ARHGAP10: variants seen among roughly 807,000 people sequenced by gnomAD.
ARHGAP10 encodes the protein Rho GTPase activating protein 10.
In ARHGAP10, 87 loss-of-function variants were observed where a neutral mutation model predicts 108.6. The observed-to-expected ratio is 0.80, with a 90% CI of 0.67 to 0.96. The LOEUF is 0.96. Among genes scored for constraint, ARHGAP10 ranks in the 40% least tolerant of loss-of-function variants. The probability of loss-of-function intolerance (pLI) is 0.00; values close to 1 mark genes in which losing one functional copy is unlikely to be tolerated. For synonymous variants in ARHGAP10, 347 were observed against 341.1 expected (o/e 1.02, Z -0.19); for missense variants, 939 against 954.5 (o/e 0.98, Z 0.21).
At position 148,023,316 on chromosome 4, in the gene ARHGAP10, A is replaced by G. The variant is rs35975487; in HGVS notation, c.1770A>G (p.Ala590=). The change falls in exon 19 of 23, where the codon GCA becomes GCG. Residue 590 remains alanine (A), a synonymous_variant. Coordinates refer to ENST00000336498, the MANE Select transcript of ARHGAP10 (RefSeq NM_024605.4). ...TTFPEPTCLS[A]SPPNAPPRQS... ...TCCCTGAGCCCACCTGCCTGTCAGC[A>G]TCACCCCCAAATGCGCCACCAAGGC... 0.065 allele frequency: 105,349 copies of G among 1,613,826 alleles called. 5,836 individuals are homozygous for G. Among genetic ancestry groups the G allele is most frequent in the South Asian group, 0.25 (22,538 of 90,906 alleles).
At chr4:147,979,476 G>A (rs141208306) in intron 18 of ARHGAP10, among the ~76,000 whole-genome samples, 303 of 151,170 alleles carry the variant, frequency 2.0e-3, no homozygotes, top group African/African-American at 7.0e-3. Flanking sequence ...GTTTGAAGCC[G>A]GCTTTGTTCC....
In ARHGAP10 at chr4:148,072,493, G is replaced by A. The variant is rs529700009; in HGVS notation, c.*412G>A. On this transcript the variant is annotated 3_prime_UTR_variant, in exon 23 of 23. Coordinates refer to ENST00000336498, the MANE Select transcript of ARHGAP10 (RefSeq NM_024605.4). ...GATTTTAAAGGGAACTGTACTACTC[G>A]CAGTGATAGGTTTGCAGAGTGTGTG... 59 of 167,878 alleles carry A rather than the reference G, an allele frequency of 3.5e-4. 1 individual carries two copies. Among genetic ancestry groups the A allele is most frequent in the Non-Finnish European group, 6.6e-4 (52 of 78,938 alleles). The allele number at this position is 167,878 out of a possible 1,614,324, so 10.4% of individuals were successfully genotyped here.
chr4:147,785,597 C>G (rs1334350952), intron 1 of ARHGAP10, among the ~76,000 whole-genome samples: 1 of 152,100 alleles, frequency 6.6e-6, no homozygotes, highest in East Asian at 1.9e-4. Flanking sequence ...AGAAGTCATC[C>G]AGACAACCTT....
intron 10 of ARHGAP10, among the ~76,000 whole-genome samples, chr4:147,883,422 C>T (rs1735416203): frequency 6.6e-6 from 1 of 152,218 alleles, no homozygotes; most frequent in African/African-American, 2.4e-5. Flanking sequence ...CAGTGTAACA[C>T]AAGTCGAGCA....
At chr4:147,742,839 CCT>C (rs2126681341) in intron 1 of ARHGAP10, among the ~76,000 whole-genome samples, 1 of 151,536 alleles carries the variant, frequency 6.6e-6, no homozygotes, top group African/African-American at 2.4e-5. Context: ...TGAATATAGG[CCT>C]CTCATTTATA....
chr4:147,965,224 C>G, intron 17 of ARHGAP10, 95 bp downstream of exon 17: 1 of 794,788 alleles, frequency 1.3e-6, no homozygotes, highest in Non-Finnish European at 1.9e-6. Flanking sequence ...GGGGACCACA[C>G]CTGGAAGGGC....
rs368356732 is a variant in ARHGAP10 at position 148,043,337 on chromosome 4, G to C, written c.1868-3555G>C. On this transcript the variant is annotated intron_variant, in intron 19 of 22. Coordinates refer to ENST00000336498, the MANE Select transcript of ARHGAP10 (RefSeq NM_024605.4). ...CTCACTGGAACAACCTTTTTACCCA[G>C]AGGTGATTTGTCTGTTTGTAGATGC... Among the ~76,000 whole-genome samples, 4 of 152,074 alleles carry C rather than the reference G, an allele frequency of 2.6e-5. No individual in the cohort carries two copies. The East Asian group carries it at 5.8e-4, about 22-fold the overall frequency.
At chr4:147,934,622 G>T (rs924619258) in intron 13 of ARHGAP10, among the ~76,000 whole-genome samples, 2 of 152,168 alleles carry the variant, frequency 1.3e-5, no homozygotes, top group Non-Finnish European at 2.9e-5. Flanking sequence ...AGGACCACTT[G>T]CACCAGGAGT....
rs543629251 is a variant in ARHGAP10, at chr4:147,809,804, C to T, written c.155-12923C>T. ...AGGAGTGTGCAACGTAGATCCCTCA[C>T]GTATGCATAGTTCACAATAGGGTCA... is the stretch of plus-strand genomic sequence containing the variant. On this transcript the variant is annotated intron_variant, in intron 1 of 22. Coordinates refer to ENST00000336498, the MANE Select transcript of ARHGAP10 (RefSeq NM_024605.4). Among the ~76,000 whole-genome samples, 337 of 152,264 alleles carry T rather than the reference C, an allele frequency of 2.2e-3. 1 individual carries two copies. The highest frequency in any genetic ancestry group is 7.5e-3 in the African/African-American group (313 of 41,550).
intron 1 of ARHGAP10, among the ~76,000 whole-genome samples, chr4:147,754,962 G>T (rs1729308351): frequency 1.3e-5 from 2 of 151,938 alleles, no homozygotes. Context: ...GACGCCTATA[G>T]TCCCAGCTAC....
intron 18 of ARHGAP10, among the ~76,000 whole-genome samples, chr4:147,984,362 C>T (rs905385549): frequency 6.6e-6 from 1 of 152,224 alleles, no homozygotes; most frequent in Non-Finnish European, 1.5e-5. Flanking sequence ...CCAAGTCCGC[C>T]ACAGCACATT....
At chr4:147,949,316 A>G (rs937234390) in intron 15 of ARHGAP10, among the ~76,000 whole-genome samples, 1 of 152,222 alleles carries the variant, frequency 6.6e-6, no homozygotes, top group Non-Finnish European at 1.5e-5. Flanking sequence ...CAACTCTAGG[A>G]TAAGAATTTA....
Position 147,871,874 on chromosome 4 carries a change from G to T in ARHGAP10, c.703-3147G>T, listed in dbSNP as rs566664192. Among the ~76,000 whole-genome samples, 306 of 152,286 alleles carry T rather than the reference G, an allele frequency of 2.0e-3. 5 individuals are homozygous for T. The highest frequency in any genetic ancestry group is 0.014 in the Middle Eastern group (4 of 294). On this transcript the variant is annotated intron_variant, in intron 7 of 22. Coordinates refer to ENST00000336498, the MANE Select transcript of ARHGAP10 (RefSeq NM_024605.4). ...CCAGCACTTTGGGACATTGAGGCGGGAGGATCACTTGAGCCCCAGAGTTCA... is the reference window on the plus strand; with the variant it reads ...CCAGCACTTTGGGACATTGAGGCGGTAGGATCACTTGAGCCCCAGAGTTCA...
intron 1 of ARHGAP10, among the ~76,000 whole-genome samples, chr4:147,751,446 C>G (rs2126692573): frequency 6.6e-6 from 1 of 151,776 alleles, no homozygotes; most frequent in East Asian, 1.9e-4. Flanking sequence ...TCACTGCAAC[C>G]TCCGCCTCCT....
At chr4:147,783,075 TTA>T (rs1295365460) in intron 1 of ARHGAP10, among the ~76,000 whole-genome samples, 3 of 141,912 alleles carry the variant, frequency 2.1e-5, no homozygotes, top group Non-Finnish European at 3.0e-5. Flanking sequence ...ATTATATAAA[TTA>T]TGTGTTAAAT....
At chr4:148,000,249 A>T (rs1441946462) in intron 18 of ARHGAP10, among the ~76,000 whole-genome samples, 1 of 152,192 alleles carries the variant, frequency 6.6e-6, no homozygotes, top group Non-Finnish European at 1.5e-5. Context: ...CCTACAAAGG[A>T]CATGAACTCA....
rs61758694 is a variant in ARHGAP10, at chr4:147,881,876, G to A, written c.978G>A (p.Lys326=). Residue 326 remains lysine (K), a synonymous_variant, in exon 10 of 23, where the codon AAG becomes AAA. Transcript: ENST00000336498. ...TGTTCTTTTTGAAAGAATGTACCAA[G>A]AGGCATACTGACTCCATTGACAGAA... is the stretch of plus-strand genomic sequence containing the variant. The part of the protein sequence containing the change: ...GEVFFLKECT[K]RHTDSIDRRF... The A allele has an allele frequency of 7.6e-4, 1,231 of 1,614,046 alleles. 2 individuals are homozygous for A. The highest frequency in any genetic ancestry group is 7.0e-4 in the Non-Finnish European group (824 of 1,179,980).
At chr4:147,782,324 G>T (rs1730568084) in intron 1 of ARHGAP10, among the ~76,000 whole-genome samples, 1 of 152,146 alleles carries the variant, frequency 6.6e-6, no homozygotes, top group South Asian at 2.1e-4. Flanking sequence ...TTGAAGTTGT[G>T]TAGTGTCATG....
chr4:147,857,512 C>T (rs568902884), intron 4 of ARHGAP10, 41 bp from the exon 5 acceptor site: 7 of 1,399,972 alleles, frequency 5.0e-6, no homozygotes, highest in Admixed American at 3.2e-5. Context: ...CATGTGTATC[C>T]TTTTGTTTCT....
Sources: allele counts gnomAD v4.1 joint callset (sites outside exome capture counted in the v4.1 genomes callset), GRCh38; gene constraint gnomAD v4.1.1; transcripts MANE v1.5; gene names NCBI Gene and HGNC (gene_info 2026-07-23, HGNC 2026-07-21).